The following GPATCH2 variants were observed in gnomAD, a reference collection of about 807,000 sequenced individuals.
The protein encoded by GPATCH2 is G patch domain-containing protein 2.
A neutral mutation model predicts 58.0 loss-of-function variants in GPATCH2; 51 were observed. That is an observed-to-expected ratio of 0.88 (90% confidence interval 0.70 to 1.11). The LOEUF is 1.11. Among genes scored for constraint, GPATCH2 ranks in the 50% most tolerant of loss-of-function variants. The pLI is 0.00. For missense variants in GPATCH2, 625 were observed against 652.2 expected, an observed-to-expected ratio of 0.96 and a Z score of 0.45; for synonymous variants, 222 against 218.5, an observed-to-expected ratio of 1.02 and a Z score of -0.14.
intron 9 of GPATCH2, among the ~76,000 whole-genome samples, chr1:217,439,069 C>T (rs1237069467): frequency 6.6e-6 from 1 of 152,152 alleles, no homozygotes; most frequent in Non-Finnish European, 1.5e-5. Context: ...AGAATGTACA[C>T]TCTTCTCAGC....
At chr1:217,446,506 T>TA (rs1352441187) in intron 9 of GPATCH2, among the ~76,000 whole-genome samples, 1 of 152,142 alleles carries the variant, frequency 6.6e-6, no homozygotes, top group Non-Finnish European at 1.5e-5. Context: ...TATTAAAAGA[T>TA]ATTCTATTTA....
At chr1:217,567,807 C>A (rs1383238862) in intron 5 of GPATCH2, among the ~76,000 whole-genome samples, 5 of 152,164 alleles carry the variant, frequency 3.3e-5, no homozygotes, top group Non-Finnish European at 7.4e-5. Context: ...ATCTCATTCA[C>A]CAAAATGTTC....
chr1:217,546,279 G>C (rs1178455703), intron 5 of GPATCH2, among the ~76,000 whole-genome samples: 1 of 151,978 alleles, frequency 6.6e-6, no homozygotes, highest in Non-Finnish European at 1.5e-5. Flanking sequence ...ATTCTTCACA[G>C]AACTAGAAAA....
chr1:217,569,748 T>A (rs187094192), intron 5 of GPATCH2, among the ~76,000 whole-genome samples: 168 of 152,176 alleles, frequency 1.1e-3, no homozygotes, highest in Admixed American at 2.5e-3. Context: ...AAAGAATATG[T>A]ACACGATATG....
chr1:217,511,361 C>T (rs947589622), intron 6 of GPATCH2, among the ~76,000 whole-genome samples: 1 of 152,006 alleles, frequency 6.6e-6, no homozygotes, highest in African/African-American at 2.4e-5. Flanking sequence ...ATAACCAGGG[C>T]TGATAATTTT....
At chr1:217,499,444 C>T (rs1227367015) in intron 6 of GPATCH2, among the ~76,000 whole-genome samples, 1 of 152,164 alleles carries the variant, frequency 6.6e-6, no homozygotes, top group African/African-American at 2.4e-5. Flanking sequence ...GTTTACATCT[C>T]CTGGGACGCT....
intron 5 of GPATCH2, among the ~76,000 whole-genome samples, chr1:217,585,565 A>G (rs1220197285): frequency 6.6e-6 from 1 of 152,174 alleles, no homozygotes; most frequent in East Asian, 1.9e-4. Flanking sequence ...GGTTGTAGTT[A>G]GCCGAGATCA....
intron 8 of GPATCH2, among the ~76,000 whole-genome samples, chr1:217,483,529 G>C (rs753643404): frequency 6.6e-6 from 1 of 152,144 alleles, no homozygotes; most frequent in Non-Finnish European, 1.5e-5. Context: ...CTATCACCCA[G>C]GCTGGAGTGC....
At chr1:217,452,869 G>A (rs1659734062) in intron 8 of GPATCH2, among the ~76,000 whole-genome samples, 1 of 152,078 alleles carries the variant, frequency 6.6e-6, no homozygotes, top group Admixed American at 6.6e-5. Flanking sequence ...AAAACAGCTA[G>A]CTGTATATTT....
chr1:217,494,841 C>CAGCT (rs1009514237), intron 7 of GPATCH2, among the ~76,000 whole-genome samples: 2 of 151,920 alleles, frequency 1.3e-5, no homozygotes, highest in Non-Finnish European at 2.9e-5. Flanking sequence ...TAAGCAAGAG[C>CAGCT]AGCTCAAAAG....
chr1:217,583,872 G>T (rs1241630890), intron 5 of GPATCH2, among the ~76,000 whole-genome samples: 1 of 151,954 alleles, frequency 6.6e-6, no homozygotes, highest in African/African-American at 2.4e-5. Context: ...TAGTACAAGA[G>T]TATCTTTAAA....
At chr1:217,507,637 CT>C (rs1357222636) in intron 6 of GPATCH2, among the ~76,000 whole-genome samples, 2 of 152,118 alleles carry the variant, frequency 1.3e-5, no homozygotes, top group African/African-American at 4.8e-5. Context: ...TTTTCTTCCC[CT>C]AACAGTACAG....
At chr1:217,509,214 G>A (rs568752757) in intron 6 of GPATCH2, among the ~76,000 whole-genome samples, 41 of 152,100 alleles carry the variant, frequency 2.7e-4, no homozygotes, top group African/African-American at 9.6e-4. Context: ...GGTGGTGCAC[G>A]CCTCTAGTCC....
intron 8 of GPATCH2, among the ~76,000 whole-genome samples, chr1:217,470,263 G>C (rs1194197908): frequency 6.6e-6 from 1 of 152,148 alleles, no homozygotes; most frequent in Non-Finnish European, 1.5e-5. Context: ...CATGCTAACT[G>C]TTTTCCATCC....
At chr1:217,469,860 G>A (rs1660639487) in intron 8 of GPATCH2, among the ~76,000 whole-genome samples, 1 of 152,112 alleles carries the variant, frequency 6.6e-6, no homozygotes. Context: ...AGGTACAAAT[G>A]ATCAAGCAGC....
chr1:217,458,785 C>A (rs1278958820), intron 8 of GPATCH2, among the ~76,000 whole-genome samples: 2 of 152,288 alleles, frequency 1.3e-5, no homozygotes, highest in Admixed American at 6.5e-5. Flanking sequence ...CAAGTCTAAA[C>A]GTCTTTCTCC....
rs532142306 is a variant in GPATCH2, at chr1:217,428,256, C to A, written c.*2889G>T. On this transcript the variant is annotated 3_prime_UTR_variant, in exon 10 of 10. Coordinates refer to ENST00000366935, the MANE Select transcript of GPATCH2 (RefSeq NM_018040.5). Reference sequence around the variant, plus strand: ...GCAGTCTCTAAAATTTTTAGTACAACCAATTAATTTGCTATAAGGCTACAG... The same window carrying A: ...GCAGTCTCTAAAATTTTTAGTACAAACAATTAATTTGCTATAAGGCTACAG... 8 of 152,066 alleles carry A rather than the reference C, an allele frequency of 5.3e-5. No individual in the cohort carries two copies. The highest frequency in any genetic ancestry group is 1.0e-4 in the Non-Finnish European group (7 of 67,994). The allele number at this position is 152,066 out of a possible 1,614,324, so 9.4% of individuals were successfully genotyped here. A position where few individuals can be genotyped will look rare whatever the true frequency, so the allele number is the denominator to read the frequency against.
At chr1:217,471,637 T>G (rs1319770144) in intron 8 of GPATCH2, among the ~76,000 whole-genome samples, 1 of 152,178 alleles carries the variant, frequency 6.6e-6, no homozygotes, top group Non-Finnish European at 1.5e-5. Context: ...GGAATGTTCT[T>G]TCTAACTTGA....
At chr1:217,544,239 CAAA>C (rs1323693670) in intron 5 of GPATCH2, among the ~76,000 whole-genome samples, 2 of 152,014 alleles carry the variant, frequency 1.3e-5, no homozygotes, top group African/African-American at 2.4e-5. Flanking sequence ...ACTAAAAATG[CAAA>C]AATTAGCCGG....
Sources: gnomAD v4.1 joint callset for allele counts (sites outside exome capture counted in the v4.1 genomes callset) on GRCh38, gnomAD v4.1.1 for gene constraint, MANE v1.5 for transcripts, NCBI Gene and HGNC (gene_info 2026-07-23, HGNC 2026-07-21) for gene names.